Variants in PAPLN observed in about 807,000 individuals in gnomAD.
PAPLN encodes the protein papilin, proteoglycan like sulfated glycoprotein.
In PAPLN, 146 loss-of-function variants were observed where a neutral mutation model predicts 159.0. That is an observed-to-expected ratio of 0.92 (90% confidence interval 0.80 to 1.05). The LOEUF is 1.05. Among genes scored for constraint, PAPLN ranks in the 50% least tolerant of loss-of-function variants. The probability of loss-of-function intolerance (pLI) is 0.00; values close to 1 mark genes in which losing one functional copy is unlikely to be tolerated. For missense variants in PAPLN, 1,720 were observed against 1,743.9 expected, an observed-to-expected ratio of 0.99 and a Z score of 0.24; for synonymous variants, 734 against 702.9, an observed-to-expected ratio of 1.04 and a Z score of -0.70.
rs761689605 is a variant in PAPLN at position 73,252,754 on chromosome 14, AC to A, written c.1076del (p.Pro359LeufsTer113). 3.1e-6 allele frequency: 5 copies of A among 1,613,112 alleles called. No homozygotes were observed. The highest frequency in any genetic ancestry group is 4.2e-6 in the Non-Finnish European group (5 of 1,179,942). ...RPADRRSCNL[H>X]PCPETKRWKA... ...GCTGACCGGCGTTCCTGCAATCTTC[AC>A]CCTTGCCCGGAGACCAAGCGGTGAG... On this transcript the variant is annotated frameshift_variant, in exon 11 of 27. Coordinates refer to ENST00000644200, the MANE Select transcript of PAPLN (RefSeq NM_001365906.3). LOFTEE classifies it high-confidence loss of function.
intron 2 of PAPLN, among the ~76,000 whole-genome samples, chr14:73,240,418 A>C (rs544648736): frequency 2.6e-5 from 4 of 152,148 alleles, no homozygotes; most frequent in East Asian, 1.9e-4. Flanking sequence ...ACTTTAATTA[A>C]TTTAAATTTA....
upstream of PAPLN, among the ~76,000 whole-genome samples, chr14:73,236,263 C>T (rs76673848): frequency 4.9e-3 from 751 of 152,358 alleles, 5 homozygotes; most frequent in African/African-American, 0.018. Flanking sequence ...TGCCTTGATG[C>T]TAATTAGTGC....
chr14:73,254,802 C>G, intron 13 of PAPLN, 75 bp from the exon 14 acceptor site: 3 of 1,594,298 alleles, frequency 1.9e-6, no homozygotes, highest in Non-Finnish European at 2.6e-6. Context: ...GCACCTTCCC[C>G]TGCCTCTCTC....
intron 1 of PAPLN, 180 bp from the exon 2 acceptor site, chr14:73,239,593 G>T (rs1265213698): frequency 2.4e-6 from 3 of 1,246,204 alleles, no homozygotes; most frequent in South Asian, 3.5e-5. Flanking sequence ...ATGTTGAGCC[G>T]CCCGGCGGGG....
upstream of PAPLN, among the ~76,000 whole-genome samples, chr14:73,236,311 C>T (rs1333194578): frequency 2.0e-5 from 3 of 152,160 alleles, no homozygotes; most frequent in Admixed American, 1.3e-4. Flanking sequence ...CAGGCCCTGC[C>T]CCCCGGGACT....
intron 2 of PAPLN, chr14:73,243,988 A>C (rs1008245): frequency 0.092 from 14,088 of 152,526 alleles, 769 homozygotes; most frequent in Middle Eastern, 0.22. Flanking sequence ...GTACAGGAGG[A>C]AGGAGAAAAG....
At chr14:73,246,257 G>T in intron 5 of PAPLN, 82 bp downstream of exon 5, 1 of 1,192,436 alleles carries the variant, frequency 8.4e-7, no homozygotes, top group Non-Finnish European at 1.1e-6. Context: ...GTATTATAGA[G>T]GCGTTGTCAT....
At position 73,268,654 on chromosome 14, in the gene PAPLN, T is replaced by C; in HGVS notation, c.3598T>C (p.Tyr1200His). The change falls in exon 26 of 27, where the codon TAC (tyrosine) becomes CAC (histidine). Residue 1200 changes from tyrosine to histidine, a missense_variant. Transcript: ENST00000644200. The part of the protein sequence containing the change: ...YNLRARDEGS[Y>H]TCSAYQGSQA... ...CTTGCGGGCCAGGGATGAGGGCTCC[T>C]ACACGTGCAGTGCCTACCAGGGGAG... 1 of 1,614,034 alleles carries C rather than the reference T, an allele frequency of 6.2e-7. No individual in the cohort carries two copies. The highest frequency in any genetic ancestry group is 8.5e-7 in the Non-Finnish European group (1 of 1,179,956).
chr14:73,247,546 G>A (rs1339056575), intron 5 of PAPLN, among the ~76,000 whole-genome samples: 2 of 150,362 alleles, frequency 1.3e-5, no homozygotes, highest in East Asian at 2.0e-4. Context: ...TGTGGGGATC[G>A]TGGCTGTGGG....
chr14:73,256,336 G>A (rs1000282165), intron 14 of PAPLN, among the ~76,000 whole-genome samples: 18 of 151,492 alleles, frequency 1.2e-4, no homozygotes, highest in African/African-American at 3.4e-4. Flanking sequence ...TTCGAGACCC[G>A]CCTGGCCAAC....
At chr14:73,267,405 C>G (rs886644) in intron 25 of PAPLN, among the ~76,000 whole-genome samples, 3 of 152,316 alleles carry the variant, frequency 2.0e-5, no homozygotes, top group East Asian at 3.9e-4. Context: ...CTGGGGTCAC[C>G]TGAGCCCCCA....
chr14:73,248,100 TGTGTGTGCGC>T (rs1884784865), intron 5 of PAPLN, among the ~76,000 whole-genome samples: 1 of 120,878 alleles, frequency 8.3e-6, no homozygotes. Flanking sequence ...TGTGTGTGTG[TGTGTGTGCGC>T]GTGTGTGTGT....
At chr14:73,261,114 C>G in intron 17 of PAPLN, 42 bp from the exon 18 acceptor site, 1 of 1,613,946 alleles carries the variant, frequency 6.2e-7, no homozygotes, top group South Asian at 1.1e-5. Flanking sequence ...CAACAATGGC[C>G]AGATCCACTG....
intron 26 of PAPLN, among the ~76,000 whole-genome samples, chr14:73,271,541 A>T (rs1887721197): frequency 6.6e-6 from 1 of 151,206 alleles, no homozygotes; most frequent in Non-Finnish European, 1.5e-5. Context: ...TTGCTCTGTC[A>T]CCCAGGCTGG....
At chr14:73,240,036 C>A (rs1199161689) in intron 2 of PAPLN, among the ~76,000 whole-genome samples, 1 of 152,222 alleles carries the variant, frequency 6.6e-6, no homozygotes, top group Non-Finnish European at 1.5e-5. Context: ...ACTGCCCGCC[C>A]GGCTGCAGGG....
At chr14:73,246,255 G>A in intron 5 of PAPLN, 80 bp downstream of exon 5, 1 of 1,209,926 alleles carries the variant, frequency 8.3e-7, no homozygotes, top group East Asian at 2.9e-5. Context: ...CCGTATTATA[G>A]AGGCGTTGTC....
rs777389669 is a variant in PAPLN, at chr14:73,245,618, G to A, written c.171-18G>A. On this transcript the variant is annotated intron_variant, in intron 3 of 26. Coordinates refer to ENST00000644200, the MANE Select transcript of PAPLN (RefSeq NM_001365906.3). This position sits in a 1 kb window ranked among gnomAD's most constrained non-coding sequence, Gnocchi z 4.2. Reference sequence around the variant, plus strand: ...CGTTGGGTCTCGGTCAGGTCTTCCCGGTGCTCTGGTCCCGCAGGAGAGATG... The same window carrying A: ...CGTTGGGTCTCGGTCAGGTCTTCCCAGTGCTCTGGTCCCGCAGGAGAGATG... The A allele has an allele frequency of 5.7e-5, 89 of 1,553,766 alleles. 2 individuals are homozygous for A. The South Asian group carries it at 9.4e-4, about 16-fold the overall frequency.
In PAPLN at chr14:73,272,364, G is replaced by A. The variant is rs1346534058; in HGVS notation, c.3668-131G>A. 1.9e-5 allele frequency: 16 copies of A among 828,268 alleles called. No homozygotes were observed. In the East Asian group the frequency reaches 4.1e-4, roughly 21 times the overall value. 51.3% of individuals were successfully genotyped at this position (828,268 alleles called of 1,614,324 possible). A position where few individuals can be genotyped will look rare whatever the true frequency, so the allele number is the denominator to read the frequency against. The stretch of plus-strand genomic sequence containing the variant: ...GTACGTATGGTTAAAAGGTTACAGG[G>A]TAAGTGCACTTCGTTTTCAATCTGG... On this transcript the variant is annotated intron_variant, in intron 26 of 26. Coordinates refer to ENST00000644200, the MANE Select transcript of PAPLN (RefSeq NM_001365906.3).
intron 2 of PAPLN, chr14:73,244,091 T>C (rs1046323864): frequency 4.4e-5 from 7 of 157,778 alleles, no homozygotes; most frequent in African/African-American, 1.7e-4. Context: ...AACTAAGTGA[T>C]GTAGCCACAG....
Sources: allele counts gnomAD v4.1 joint callset (sites outside exome capture counted in the v4.1 genomes callset), GRCh38; gene constraint gnomAD v4.1.1; non-coding constraint Gnocchi (gnomAD v3.1); transcripts MANE v1.5; gene names NCBI Gene and HGNC (gene_info 2026-07-23, HGNC 2026-07-21).